SPON1: variants seen among roughly 807,000 people sequenced by gnomAD.
SPON1 encodes spondin 1.
SPON1 carries 52 observed loss-of-function variants against 111.7 expected under a neutral mutation model. That is an observed-to-expected ratio of 0.47 (90% CI 0.37 to 0.59). SPON1 has a LOEUF of 0.59. Among genes scored for constraint, SPON1 ranks in the 20% least tolerant of loss-of-function variants. SPON1 has a pLI of 0.00. For missense variants in SPON1, 957 were observed against 1,068.5 expected (o/e 0.90, Z 1.46); for synonymous variants, 410 against 395.8 (o/e 1.04, Z -0.43).
Position 13,962,864 on chromosome 11 carries a change from C to T in SPON1, c.-41C>T. 1 of 1,410,576 alleles carries T rather than the reference C, an allele frequency of 7.1e-7. No individual in the cohort carries two copies. The allele number at this position is 1,410,576 out of a possible 1,614,324, so 87.4% of individuals were successfully genotyped here. ...ACCACTTCGGGCAGGAGTCGCGTGG[C>T]GAAGGCCTGCGGCCGCGGCACAAAG... On this transcript the variant is annotated 5_prime_UTR_variant, in exon 1 of 16. Transcript: ENST00000576479.
chr11:14,186,677 C>T (rs1270307863), intron 6 of SPON1, among the ~76,000 whole-genome samples: 1 of 152,208 alleles, frequency 6.6e-6, no homozygotes, highest in African/African-American at 2.4e-5. Context: ...CATCTTCATA[C>T]CTAATCTTGA....
At chr11:14,248,843 G>A (rs1287426212) in intron 7 of SPON1, among the ~76,000 whole-genome samples, 1 of 152,160 alleles carries the variant, frequency 6.6e-6, no homozygotes, top group Non-Finnish European at 1.5e-5. Flanking sequence ...TCAAAGGACA[G>A]CCATGAATGA....
intron 1 of SPON1, among the ~76,000 whole-genome samples, chr11:13,967,071 T>C (rs1401462955): frequency 6.6e-6 from 1 of 152,232 alleles, no homozygotes; most frequent in Non-Finnish European, 1.5e-5. Context: ...TCGTTACTGT[T>C]TTATGGATGA....
intron 4 of SPON1, among the ~76,000 whole-genome samples, chr11:14,076,164 C>G (rs1554921431): frequency 6.6e-6 from 1 of 152,070 alleles, no homozygotes; most frequent in East Asian, 1.9e-4. Flanking sequence ...ATTCATTAAT[C>G]TACTGCAAAA....
intron 3 of SPON1, among the ~76,000 whole-genome samples, chr11:14,052,569 C>A (rs1423844117): frequency 6.6e-6 from 1 of 152,200 alleles, no homozygotes; most frequent in East Asian, 1.9e-4. Flanking sequence ...ACCCCTGAAC[C>A]AGCTAAAGTG....
chr11:14,006,325 A>G lies in SPON1; in HGVS notation c.345+23372A>G, dbSNP rs7121439. On this transcript the variant is annotated intron_variant, in intron 2 of 15. Transcript: ENST00000576479. Reference sequence around the variant, plus strand: ...TTTTTGGCAAGGGGAGAGGGACACCAAAGAGTTTTAGATTAGGCAACAACA... The same window carrying G: ...TTTTTGGCAAGGGGAGAGGGACACCGAAGAGTTTTAGATTAGGCAACAACA... Among the ~76,000 whole-genome samples the G allele has an allele frequency of 5.2e-3, 797 of 152,264 alleles. 9 individuals carry two copies. Among genetic ancestry groups the G allele is most frequent in the African/African-American group, 0.018 (736 of 41,550 alleles).
chr11:13,972,959 C>T (rs1848074897), intron 1 of SPON1, among the ~76,000 whole-genome samples: 1 of 152,008 alleles, frequency 6.6e-6, no homozygotes, highest in South Asian at 2.1e-4. Flanking sequence ...CTCTCTCTGT[C>T]CCCCGTTCCC....
intron 2 of SPON1, among the ~76,000 whole-genome samples, chr11:14,032,416 C>G (rs1049192141): frequency 1.3e-5 from 2 of 152,126 alleles, no homozygotes; most frequent in Non-Finnish European, 2.9e-5. Context: ...GTCTTCCTCC[C>G]ATGTTAGCCA....
chr11:14,205,862 G>A (rs1848511783), intron 6 of SPON1, among the ~76,000 whole-genome samples: 1 of 152,122 alleles, frequency 6.6e-6, no homozygotes, highest in Non-Finnish European at 1.5e-5. Flanking sequence ...GAATCAAAGT[G>A]TTTTTTGTCT....
At chr11:14,254,306 G>C (rs1849083230) in intron 7 of SPON1, among the ~76,000 whole-genome samples, 1 of 152,150 alleles carries the variant, frequency 6.6e-6, no homozygotes, top group Non-Finnish European at 1.5e-5. Flanking sequence ...AAGAGAAACT[G>C]GATAGGGTGG....
chr11:14,216,787 A>G (rs1554937185), intron 6 of SPON1, among the ~76,000 whole-genome samples: 1 of 152,248 alleles, frequency 6.6e-6, no homozygotes, highest in East Asian at 1.9e-4. Context: ...ACAAGGTTGC[A>G]TTGGAAATTA....
intron 6 of SPON1, among the ~76,000 whole-genome samples, chr11:14,147,870 A>G (rs1298222629): frequency 6.6e-6 from 1 of 152,062 alleles, no homozygotes; most frequent in Non-Finnish European, 1.5e-5. Context: ...AAACACATGG[A>G]CAGGTCTCAG....
In SPON1 at chr11:14,043,263, G is replaced by A. The variant is rs148601931; in HGVS notation, c.479+1609G>A. On this transcript the variant is annotated intron_variant, in intron 3 of 15. Transcript: ENST00000576479. ...AAGCCTTCTAGTGAAAACAAGAGAA[G>A]ACTGATTGGAGGTTCCTTGGCATGA... is the stretch of plus-strand genomic sequence containing the variant. 2.6e-3 allele frequency among the ~76,000 whole-genome samples: 397 copies of A among 152,278 alleles called. 6 individuals carry two copies. The East Asian group carries it at 0.028, about 11-fold the overall frequency.
chr11:14,249,909 A>G (rs1849034351), intron 7 of SPON1, among the ~76,000 whole-genome samples: 1 of 152,212 alleles, frequency 6.6e-6, no homozygotes. Context: ...CCCTCATCAC[A>G]TAGCTATTAA....
At chr11:14,223,098 C>T (rs1564934465) in intron 6 of SPON1, among the ~76,000 whole-genome samples, 1 of 152,240 alleles carries the variant, frequency 6.6e-6, no homozygotes, top group African/African-American at 2.4e-5. Flanking sequence ...AGCATGGTGG[C>T]TCATGCCTAT....
chr11:14,026,267 T>G (rs1393663000), intron 2 of SPON1, among the ~76,000 whole-genome samples: 1 of 152,272 alleles, frequency 6.6e-6, no homozygotes, highest in Non-Finnish European at 1.5e-5. Flanking sequence ...CACCAGCTGA[T>G]AACCACATTG....
At chr11:13,990,953 A>T (rs1363917943) in intron 2 of SPON1, among the ~76,000 whole-genome samples, 2 of 152,188 alleles carry the variant, frequency 1.3e-5, no homozygotes, top group Non-Finnish European at 2.9e-5. Context: ...TATTAGTCTG[A>T]TGGGCTTCCC....
At chr11:14,233,758 C>CTTTTTTTT (rs10610600) in intron 6 of SPON1, among the ~76,000 whole-genome samples, 50 of 96,818 alleles carry the variant, frequency 5.2e-4, no homozygotes, top group African/African-American at 8.5e-4. Flanking sequence ...GTTTCTTTTT[C>CTTTTTTTT]TTTTTTTTTT....
intron 5 of SPON1, among the ~76,000 whole-genome samples, chr11:14,133,215 A>C (rs1376866462): frequency 6.6e-6 from 1 of 152,190 alleles, no homozygotes; most frequent in African/African-American, 2.4e-5. Flanking sequence ...GTTCCCAACT[A>C]TGTCAAGTGC....
Sources: gnomAD v4.1 joint callset for allele counts (sites outside exome capture counted in the v4.1 genomes callset) on GRCh38, gnomAD v4.1.1 for gene constraint, MANE v1.5 for transcripts, NCBI Gene and HGNC (gene_info 2026-07-23, HGNC 2026-07-21) for gene names.